BANK1: variants seen among roughly 807,000 people sequenced by gnomAD.
BANK1 encodes B-cell scaffold protein with ankyrin repeats.
Under a neutral mutation model 94.5 loss-of-function variants are expected in BANK1, and 95 were observed. The observed-to-expected ratio is 1.00, with a 90% CI of 0.85 to 1.19. The LOEUF is 1.19. BANK1 is among the 50% of genes most tolerant of loss of function. BANK1 has a pLI of 0.00. For synonymous variants in BANK1, 334 were observed against 308.4 expected, an observed-to-expected ratio of 1.08 and a Z score of -0.87; for missense variants, 987 against 932.2, an observed-to-expected ratio of 1.06 and a Z score of -0.77.
intron 5 of BANK1, among the ~76,000 whole-genome samples, chr4:101,888,278 T>C (rs1358584624): frequency 6.6e-6 from 1 of 152,188 alleles, no homozygotes; most frequent in Admixed American, 6.5e-5. Context: ...GTTAGACATA[T>C]CACGTGAGAG....
chr4:101,874,602 A>G (rs1044404687), intron 5 of BANK1, among the ~76,000 whole-genome samples: 5 of 152,204 alleles, frequency 3.3e-5, no homozygotes, highest in Non-Finnish European at 7.3e-5. Context: ...TCAGTGGCTT[A>G]CTGGATAAGA....
chr4:101,813,715 T>G (rs1725799262), intron 1 of BANK1: 1 of 194,618 alleles, frequency 5.1e-6, no homozygotes, highest in African/African-American at 2.4e-5. Flanking sequence ...CCTTGCTATC[T>G]TGTAAACTCC....
intron 1 of BANK1, among the ~76,000 whole-genome samples, chr4:101,829,177 A>G (rs1726505541): frequency 6.6e-6 from 1 of 152,106 alleles, no homozygotes; most frequent in Non-Finnish European, 1.5e-5. Context: ...TGTTTTCTTT[A>G]ACAGTTTTAG....
chr4:101,896,152 A>G (rs1001121843), intron 6 of BANK1, among the ~76,000 whole-genome samples: 2 of 151,918 alleles, frequency 1.3e-5, no homozygotes, highest in Non-Finnish European at 1.5e-5. Flanking sequence ...ATGAAAAATT[A>G]TATTTCCAGA....
At chr4:101,825,117 C>A (rs376457646) in intron 1 of BANK1, among the ~76,000 whole-genome samples, 1 of 152,032 alleles carries the variant, frequency 6.6e-6, no homozygotes, top group Non-Finnish European at 1.5e-5. Context: ...TGAAGATGTA[C>A]ATTTAAAATA....
chr4:101,994,551 G>A (rs1251495496), intron 7 of BANK1, among the ~76,000 whole-genome samples: 1 of 152,120 alleles, frequency 6.6e-6, no homozygotes, highest in Non-Finnish European at 1.5e-5. Context: ...GAAAAAGGAA[G>A]TGGCTACATG....
intron 6 of BANK1, among the ~76,000 whole-genome samples, chr4:101,897,847 C>T (rs935526640): frequency 1.3e-5 from 2 of 151,790 alleles, no homozygotes; most frequent in Non-Finnish European, 2.9e-5. Context: ...AATAATTCTT[C>T]CTTATATTGA....
intron 1 of BANK1, among the ~76,000 whole-genome samples, chr4:101,819,284 G>A (rs1157153307): frequency 6.6e-6 from 1 of 152,054 alleles, no homozygotes; most frequent in Non-Finnish European, 1.5e-5. Flanking sequence ...TCTGACAAAG[G>A]CTTGGAGGAA....
intron 7 of BANK1, among the ~76,000 whole-genome samples, chr4:102,005,490 T>G (rs1578449704): frequency 6.6e-6 from 1 of 152,070 alleles, no homozygotes; most frequent in Non-Finnish European, 1.5e-5. Flanking sequence ...CCTTGAAAAC[T>G]TTATACTTCA....
At chr4:101,799,135 T>A (rs1725261950) in intron 1 of BANK1, among the ~76,000 whole-genome samples, 1 of 152,178 alleles carries the variant, frequency 6.6e-6, no homozygotes. Context: ...AATTAATTTT[T>A]GTGTAAGGTG....
chr4:101,823,952 A>G (rs1726269161), intron 1 of BANK1, among the ~76,000 whole-genome samples: 1 of 152,248 alleles, frequency 6.6e-6, no homozygotes, highest in African/African-American at 2.4e-5. Context: ...GTATTTGATC[A>G]TGAGCCCATG....
intron 3 of BANK1, among the ~76,000 whole-genome samples, chr4:101,858,300 A>T (rs1560604598): frequency 2.0e-5 from 3 of 152,162 alleles, no homozygotes; most frequent in African/African-American, 7.2e-5. Context: ...GAAAGCTGCT[A>T]AACTTCCTGT....
chr4:102,008,933 A>G (rs897842312), intron 7 of BANK1, among the ~76,000 whole-genome samples: 1 of 152,226 alleles, frequency 6.6e-6, no homozygotes, highest in African/African-American at 2.4e-5. Context: ...AGAAAAACGA[A>G]CAGGGAAGCC....
Position 101,861,874 on chromosome 4 carries a change from T to G in BANK1, c.625-652T>G, listed in dbSNP as rs532108429. On this transcript the variant is annotated intron_variant, in intron 3 of 16. Transcript: ENST00000322953. ...TTTTCTCAATATTTTTTCACAAAGT[T>G]ATTCAATAACCTTTTTCACCTTATA... 7.2e-5 allele frequency among the ~76,000 whole-genome samples: 11 copies of G among 152,242 alleles called. No homozygotes were observed. The South Asian group carries it at 1.5e-3, about 20-fold the overall frequency.
At chr4:101,846,277 G>T (rs961002858) in intron 2 of BANK1, among the ~76,000 whole-genome samples, 3 of 152,304 alleles carry the variant, frequency 2.0e-5, no homozygotes, top group Admixed American at 2.0e-4. Flanking sequence ...CCTTTGTAGG[G>T]ACATGGATGA....
intron 7 of BANK1, among the ~76,000 whole-genome samples, chr4:102,005,955 T>C (rs527708545): frequency 4.6e-5 from 7 of 152,032 alleles, no homozygotes; most frequent in Admixed American, 1.3e-4. Flanking sequence ...AAAGAAAAAA[T>C]TTAAGTAAGT....
chr4:102,016,776 T>G (rs1334002348), intron 7 of BANK1, among the ~76,000 whole-genome samples: 1 of 152,198 alleles, frequency 6.6e-6, no homozygotes, highest in East Asian at 1.9e-4. Context: ...AACTGTTTTC[T>G]TCTAATATCC....
In BANK1 at chr4:102,051,870, G is replaced by C. The variant is rs542364978; in HGVS notation, c.1969+7963G>C. Among the ~76,000 whole-genome samples the C allele has an allele frequency of 7.7e-4, 118 of 152,288 alleles. 1 individual carries two copies. Among genetic ancestry groups the C allele is most frequent in the African/African-American group, 2.7e-3 (113 of 41,564 alleles). On this transcript the variant is annotated intron_variant, in intron 11 of 16. Coordinates refer to ENST00000322953, the MANE Select transcript of BANK1 (RefSeq NM_017935.5). ...TAAAATGGAGGGATGGGAAGGTCAA[G>C]AAGTCTGTTAGAAATTTATGCATGG...
intron 1 of BANK1, among the ~76,000 whole-genome samples, chr4:101,820,360 T>C (rs1333971846): frequency 6.6e-6 from 1 of 152,220 alleles, no homozygotes; most frequent in Non-Finnish European, 1.5e-5. Flanking sequence ...GATCTAACTC[T>C]AGTTACTGAT....
Sources: allele counts gnomAD v4.1 joint callset (sites outside exome capture counted in the v4.1 genomes callset), GRCh38; gene constraint gnomAD v4.1.1; transcripts MANE v1.5; gene names NCBI Gene and HGNC (gene_info 2026-07-23, HGNC 2026-07-21).